TLK1: variants seen among roughly 807,000 people sequenced by gnomAD.
The protein encoded by TLK1 is serine/threonine-protein kinase tousled-like 1.
A neutral mutation model predicts 105.3 loss-of-function variants in TLK1; 24 were observed. The ratio of observed to expected loss-of-function variants is 0.23; its 90% CI spans 0.17 to 0.32. The LOEUF is 0.32. Among genes scored for constraint, TLK1 ranks in the 10% least tolerant of loss-of-function variants. The pLI is 1.00. For synonymous variants in TLK1, 321 were observed against 310.4 expected (o/e 1.03, Z -0.36); for missense variants, 558 against 910.5 (o/e 0.61, Z 4.98).
At chr2:171,060,490 A>G (rs1417552609) in intron 4 of TLK1, among the ~76,000 whole-genome samples, 1 of 152,230 alleles carries the variant, frequency 6.6e-6, no homozygotes, top group East Asian at 1.9e-4. Context: ...GATTGGCTCC[A>G]ACACATGTAA....
At chr2:171,068,182 A>G (rs769965056) in intron 3 of TLK1, among the ~76,000 whole-genome samples, 1 of 152,036 alleles carries the variant, frequency 6.6e-6, no homozygotes, top group Non-Finnish European at 1.5e-5. Flanking sequence ...CAAAAAAATT[A>G]GCCAGATCTG....
intron 3 of TLK1, among the ~76,000 whole-genome samples, chr2:171,068,051 G>A (rs1158707137): frequency 1.3e-5 from 2 of 152,106 alleles, no homozygotes; most frequent in South Asian, 2.1e-4. Context: ...GATCAGCCGG[G>A]CATGGTGGCT....
At chr2:171,139,278 T>C (rs750507410) in intron 1 of TLK1, among the ~76,000 whole-genome samples, 2 of 144,962 alleles carry the variant, frequency 1.4e-5, no homozygotes, top group Non-Finnish European at 3.1e-5. Context: ...ACATTGGTAC[T>C]AGCCGGTTGC....
At chr2:171,016,176 C>A (rs1482884194) in intron 12 of TLK1, among the ~76,000 whole-genome samples, 2 of 152,182 alleles carry the variant, frequency 1.3e-5, no homozygotes, top group Non-Finnish European at 2.9e-5. Context: ...TTTTTTCACT[C>A]TGTCACTCAG....
chr2:171,094,981 T>C (rs1689392888), intron 2 of TLK1, among the ~76,000 whole-genome samples: 1 of 152,054 alleles, frequency 6.6e-6, no homozygotes, highest in Non-Finnish European at 1.5e-5. Flanking sequence ...TAAAGATTTG[T>C]TATAAATCAC....
At chr2:171,017,335 C>T (rs542394721) in intron 12 of TLK1, among the ~76,000 whole-genome samples, 2 of 152,316 alleles carry the variant, frequency 1.3e-5, no homozygotes, top group African/African-American at 4.8e-5. Context: ...CTTAATTTGA[C>T]TGTCACATGT....
intron 11 of TLK1, among the ~76,000 whole-genome samples, chr2:171,040,842 G>A (rs1280314827): frequency 6.6e-6 from 1 of 152,016 alleles, no homozygotes; most frequent in Non-Finnish European, 1.5e-5. Context: ...CTCCCAAAGT[G>A]CTGGGATTAC....
intron 1 of TLK1, among the ~76,000 whole-genome samples, chr2:171,135,522 C>T (rs934752067): frequency 6.6e-6 from 1 of 151,934 alleles, no homozygotes; most frequent in Non-Finnish European, 1.5e-5. Context: ...AAAAGATGGC[C>T]AGGCACGGTG....
At chr2:171,082,058 A>ACACAC (rs1688779845) in intron 3 of TLK1, among the ~76,000 whole-genome samples, 1 of 132,824 alleles carries the variant, frequency 7.5e-6, no homozygotes, top group South Asian at 2.2e-4. Flanking sequence ...CACACACACA[A>ACACAC]GTGACAGACC....
At chr2:171,148,354 G>C (rs910318948) in intron 1 of TLK1, among the ~76,000 whole-genome samples, 11 of 151,948 alleles carry the variant, frequency 7.2e-5, no homozygotes, top group Non-Finnish European at 1.6e-4. Flanking sequence ...GTGTGGTATA[G>C]GGATTAGAAG....
chr2:171,171,122 G>T (rs893174390), intron 1 of TLK1, among the ~76,000 whole-genome samples: 1 of 152,184 alleles, frequency 6.6e-6, no homozygotes, highest in African/African-American at 2.4e-5. Flanking sequence ...TACAGGACAT[G>T]AAATGTGCTA....
At chr2:171,042,869 TTTAAC>T (rs1179983435) in intron 11 of TLK1, among the ~76,000 whole-genome samples, 1 of 151,824 alleles carries the variant, frequency 6.6e-6, no homozygotes, top group African/African-American at 2.4e-5. Context: ...ATTGAAAAAG[TTTAAC>T]TTAAGATATA....
intron 1 of TLK1, among the ~76,000 whole-genome samples, chr2:171,167,291 G>A (rs1477869569): frequency 6.6e-6 from 1 of 152,142 alleles, no homozygotes; most frequent in East Asian, 1.9e-4. Flanking sequence ...CTTCTTATCA[G>A]AGTGAATTGA....
At chr2:171,191,710 A>T (rs1693158328) in intron 1 of TLK1, among the ~76,000 whole-genome samples, 1 of 152,176 alleles carries the variant, frequency 6.6e-6, no homozygotes, top group Non-Finnish European at 1.5e-5. Context: ...CCCTGGTCCC[A>T]CTGTCTTCCT....
chr2:171,224,254 T>C (rs1341675622), intron 1 of TLK1, among the ~76,000 whole-genome samples: 1 of 152,222 alleles, frequency 6.6e-6, no homozygotes, highest in Non-Finnish European at 1.5e-5. Context: ...ATCAGTTGGC[T>C]ATACATGTGT....
chr2:171,016,880 T>G (rs898665672), intron 12 of TLK1, among the ~76,000 whole-genome samples: 1 of 152,172 alleles, frequency 6.6e-6, no homozygotes, highest in Non-Finnish European at 1.5e-5. Flanking sequence ...GATTTGATAT[T>G]ACATGGCAAA....
chr2:171,080,786 C>T lies in TLK1; in HGVS notation c.330+1995G>A, dbSNP rs549348360. The stretch of plus-strand genomic sequence containing the variant: ...GCAGTGGCACAATCATGGCTCATTG[C>T]AGCTTCGACTTCCTTGGCTCAAGTT... On this transcript the variant is annotated intron_variant, in intron 3 of 20. Coordinates refer to ENST00000431350, the MANE Select transcript of TLK1 (RefSeq NM_012290.5). 6.6e-5 allele frequency among the ~76,000 whole-genome samples: 10 copies of T among 151,864 alleles called. No individual in the cohort carries two copies. The South Asian group carries it at 2.1e-3, about 32-fold the overall frequency.
chr2:171,213,238 G>A (rs1693653520), intron 1 of TLK1, among the ~76,000 whole-genome samples: 1 of 146,370 alleles, frequency 6.8e-6, no homozygotes, highest in Admixed American at 6.9e-5. Context: ...AGGGTCTTTT[G>A]CCCAGGCTGG....
intron 1 of TLK1, among the ~76,000 whole-genome samples, chr2:171,211,589 G>A (rs1480484007): frequency 3.3e-5 from 5 of 151,608 alleles, no homozygotes; most frequent in South Asian, 2.1e-4. Flanking sequence ...TTGCGCTGTC[G>A]CCCAGGCTGG....
Sources: gnomAD v4.1 joint callset for allele counts (sites outside exome capture counted in the v4.1 genomes callset) on GRCh38, gnomAD v4.1.1 for gene constraint, MANE v1.5 for transcripts, NCBI Gene and HGNC (gene_info 2026-07-23, HGNC 2026-07-21) for gene names.